Variants in ADAMTSL2 observed in about 807,000 individuals in gnomAD.
ADAMTSL2 encodes ADAMTS like 2, also known as ADAMTS-like protein 2.
A neutral mutation model predicts 117.0 loss-of-function variants in ADAMTSL2; 55 were observed. The ratio of observed to expected loss-of-function variants is 0.47; its 90% CI spans 0.38 to 0.59. ADAMTSL2 has a LOEUF of 0.59. Among genes scored for constraint, ADAMTSL2 ranks in the 20% least tolerant of loss-of-function variants. The probability of loss-of-function intolerance (pLI) is 0.00; values close to 1 mark genes in which losing one functional copy is unlikely to be tolerated. For missense variants in ADAMTSL2, 1,182 were observed against 1,354.5 expected (o/e 0.87, Z 2.00); for synonymous variants, 572 against 566.4 (o/e 1.01, Z -0.14).
At chr9:133,539,724 G>A in intron 4 of ADAMTSL2, 47 bp from the exon 5 acceptor site, 1 of 1,024,970 alleles carries the variant, frequency 9.8e-7, no homozygotes, top group Non-Finnish European at 1.2e-6. Flanking sequence ...AAATGCCTTT[G>A]TCGGGCCGAG....
chr9:133,563,844 G>GAGGGAGAGAGAGA (rs1830815796), intron 12 of ADAMTSL2, among the ~76,000 whole-genome samples: 1 of 29,384 alleles, frequency 3.4e-5, no homozygotes, highest in African/African-American at 1.5e-4. Flanking sequence ...AGAGAGAGAG[G>GAGGGAGAGAGAGA]GAGAGAGAGA....
At chr9:133,536,441 G>A (rs1830053349) in intron 1 of ADAMTSL2, 122 bp from the exon 2 acceptor site, 4 of 1,364,142 alleles carry the variant, frequency 2.9e-6, no homozygotes, top group South Asian at 3.0e-5. Flanking sequence ...GATCAAGGGT[G>A]GCACAGGCTT....
Position 133,546,861 on chromosome 9 carries a change from C to T in ADAMTSL2, c.764-177C>T, listed in dbSNP as rs557742065. On this transcript the variant is annotated intron_variant, in intron 8 of 18. Coordinates refer to ENST00000651351, the MANE Select transcript of ADAMTSL2 (RefSeq NM_014694.4). ...CTGATTTTAGGCTGAGAGGAACGTG[C>T]GTTTGCCCCTCCTCCGCATTCACTG... Among the ~76,000 whole-genome samples, 5 of 152,280 alleles carry T rather than the reference C, an allele frequency of 3.3e-5. No homozygotes were observed. In the East Asian group the frequency reaches 5.8e-4, roughly 18 times the overall value.
At chr9:133,567,167 G>T (rs1377720087) in intron 13 of ADAMTSL2, 105 bp downstream of exon 13, 2 of 1,415,026 alleles carry the variant, frequency 1.4e-6, no homozygotes, top group Admixed American at 2.0e-5. Context: ...GGTTCTTCGT[G>T]TGCAGGGCCG....
intron 12 of ADAMTSL2, among the ~76,000 whole-genome samples, chr9:133,562,543 TCG>T (rs1830756653): frequency 2.1e-5 from 2 of 97,352 alleles, no homozygotes; most frequent in African/African-American, 8.7e-5. Flanking sequence ...TGGGCCCGGC[TCG>T]CACCGCCGTG....
chr9:133,539,028 G>A (rs1022701529), intron 4 of ADAMTSL2, among the ~76,000 whole-genome samples: 7 of 152,210 alleles, frequency 4.6e-5, no homozygotes, highest in African/African-American at 1.2e-4. Flanking sequence ...AGGCTGGCTC[G>A]TGTGGCTTGC....
intron 7 of ADAMTSL2, among the ~76,000 whole-genome samples, chr9:133,542,735 A>C (rs911972244): frequency 1.3e-5 from 2 of 151,740 alleles, no homozygotes; most frequent in East Asian, 1.9e-4. Context: ...CAGGCAGCCT[A>C]CTCTTGGCCT....
intron 7 of ADAMTSL2, among the ~76,000 whole-genome samples, chr9:133,543,897 G>A (rs947260213): frequency 6.6e-6 from 1 of 152,214 alleles, no homozygotes; most frequent in Non-Finnish European, 1.5e-5. Context: ...GGGCCTGGGG[G>A]CCTTGAAGAC....
chr9:133,555,947 T>A lies in ADAMTSL2; in HGVS notation c.1649+17T>A. Reference sequence around the variant, plus strand: ...CAAGGCCAGGTAGGAGGCACTTTCCTGAGCCCTGTCCAGGGCCCTCAGGGG... The same window carrying A: ...CAAGGCCAGGTAGGAGGCACTTTCCAGAGCCCTGTCCAGGGCCCTCAGGGG... On this transcript the variant is annotated intron_variant, in intron 11 of 18. Coordinates refer to ENST00000651351, the MANE Select transcript of ADAMTSL2 (RefSeq NM_014694.4). 1 of 1,607,902 alleles carries A rather than the reference T, an allele frequency of 6.2e-7. No homozygotes were observed. The highest frequency in any genetic ancestry group is 8.5e-7 in the Non-Finnish European group (1 of 1,179,576).
At chr9:133,562,792 G>A (rs1191631723) in intron 12 of ADAMTSL2, among the ~76,000 whole-genome samples, 1 of 123,102 alleles carries the variant, frequency 8.1e-6, no homozygotes, top group Admixed American at 7.7e-5. Flanking sequence ...GGCGTGGTGG[G>A]CACCGGCTTG....
intron 7 of ADAMTSL2, among the ~76,000 whole-genome samples, chr9:133,542,340 G>T (rs1276124516): frequency 1.3e-5 from 2 of 152,206 alleles, no homozygotes; most frequent in Non-Finnish European, 2.9e-5. Flanking sequence ...TCTAGGAGCC[G>T]CTAAGGTGTC....
rs1322938788 is a variant in ADAMTSL2 at position 133,574,912 on chromosome 9, G to A, written c.*48G>A. ...CAGATGAAGACCAAGCGCCCCTCCT[G>A]GGGCTGCTGCAGCTTCTGGGGCCTC... On this transcript the variant is annotated 3_prime_UTR_variant, in exon 19 of 19. Transcript: ENST00000651351. 1.3e-6 allele frequency: 2 copies of A among 1,497,084 alleles called. No individual in the cohort carries two copies. The highest frequency in any genetic ancestry group is 1.9e-6 in the Non-Finnish European group (2 of 1,075,072). 92.7% of individuals were successfully genotyped at this position (1,497,084 alleles called of 1,614,324 possible).
In ADAMTSL2 at chr9:133,540,943, G is replaced by A. The variant is rs1399931340; in HGVS notation, c.624G>A (p.Gly208=). ...TGGACAAGTGTGGCATCTGCCAGGG[G>A]GACGGTAGCAGCTGCACCCACGTGA... ...HTLDKCGICQ[G]DGSSCTHVTG... The change falls in exon 7 of 19, where the codon GGG becomes GGA. Residue 208 remains glycine (G), a synonymous_variant. Coordinates refer to ENST00000651351, the MANE Select transcript of ADAMTSL2 (RefSeq NM_014694.4). 1.2e-6 allele frequency: 2 copies of A among 1,613,316 alleles called. No homozygotes were observed. The highest frequency in any genetic ancestry group is 1.7e-6 in the Non-Finnish European group (2 of 1,180,038).
intron 3 of ADAMTSL2, 87 bp downstream of exon 3, chr9:133,537,634 G>A: frequency 2.4e-6 from 3 of 1,267,546 alleles, no homozygotes; most frequent in Non-Finnish European, 3.0e-6. Flanking sequence ...CAGCCTGGTG[G>A]CTTCTCCCCC....
In ADAMTSL2 at chr9:133,548,601, G is replaced by C. The variant is rs2131123089; in HGVS notation, c.939+1388G>C. On this transcript the variant is annotated intron_variant, in intron 9 of 18. Coordinates refer to ENST00000651351, the MANE Select transcript of ADAMTSL2 (RefSeq NM_014694.4). ...TAGACAGAGGGAGCAGCTGAGTTGT[G>C]ATGCAGTTTCAACGGGCTTCGGCCA... Among the ~76,000 whole-genome samples the C allele has an allele frequency of 2.6e-5, 4 of 152,196 alleles. 1 individual carries two copies. The South Asian group carries it at 8.3e-4, about 32-fold the overall frequency.
intron 4 of ADAMTSL2, among the ~76,000 whole-genome samples, chr9:133,539,280 C>A (rs1459684368): frequency 2.0e-5 from 3 of 152,148 alleles, no homozygotes; most frequent in African/African-American, 7.2e-5. Context: ...AAGCTGGGTC[C>A]CCTCCGAGGA....
chr9:133,537,569 C>T, intron 3 of ADAMTSL2, 22 bp downstream of exon 3: 1 of 1,337,660 alleles, frequency 7.5e-7, no homozygotes, highest in Non-Finnish European at 9.7e-7. Context: ...GGCACGTGGC[C>T]CTGAGGGGAT....
intron 4 of ADAMTSL2, among the ~76,000 whole-genome samples, chr9:133,539,062 T>TG (rs1405524774): frequency 6.6e-6 from 1 of 152,184 alleles, no homozygotes; most frequent in Non-Finnish European, 1.5e-5. Context: ...GCAGAGCAGC[T>TG]GGGGGTCTCT....
At chr9:133,566,901 C>T in intron 12 of ADAMTSL2, 35 bp from the exon 13 acceptor site, 1 of 1,591,770 alleles carries the variant, frequency 6.3e-7, no homozygotes, top group Non-Finnish European at 8.5e-7. Flanking sequence ...AAGGTGCCGG[C>T]ATGGCTCACA....
Sources: gnomAD v4.1 joint callset for allele counts (sites outside exome capture counted in the v4.1 genomes callset) on GRCh38, gnomAD v4.1.1 for gene constraint, MANE v1.5 for transcripts, NCBI Gene and HGNC (gene_info 2026-07-23, HGNC 2026-07-21) for gene names.